Variants in ETV3 observed in about 807,000 individuals in gnomAD.
The protein encoded by ETV3 is ETS translocation variant 3.
Under a neutral mutation model 33.0 loss-of-function variants are expected in ETV3, and 8 were observed. The ratio of observed to expected loss-of-function variants is 0.24; its 90% CI spans 0.14 to 0.44. ETV3 has a LOEUF of 0.44. Ranked by LOEUF, ETV3 falls within the 20% of genes least tolerant of loss-of-function variation. ETV3 has a pLI of 1.00. For synonymous variants in ETV3, 222 were observed against 238.9 expected (o/e 0.93, Z 0.65); for missense variants, 473 against 652.3 (o/e 0.73, Z 2.99).
chr1:157,134,370 A>G (rs1675044694), intron 3 of ETV3, 143 bp from the exon 4 acceptor site: 1 of 1,054,910 alleles, frequency 9.5e-7, no homozygotes, highest in Non-Finnish European at 1.3e-6. Context: ...CTGGCCCTCC[A>G]GGTAGATCTA....
chr1:157,128,454 T>C (rs1674893093), intron 4 of ETV3: 2 of 329,252 alleles, frequency 6.1e-6, no homozygotes, highest in Admixed American at 2.8e-5. Context: ...AGACTGGGCC[T>C]AATCTCCATG....
At chr1:157,129,989 G>T (rs1446866365) in intron 4 of ETV3, among the ~76,000 whole-genome samples, 1 of 151,942 alleles carries the variant, frequency 6.6e-6, no homozygotes, top group Non-Finnish European at 1.5e-5. Context: ...GACTACAGGT[G>T]CGCACCACCA....
intron 1 of ETV3, among the ~76,000 whole-genome samples, chr1:157,138,018 G>A (rs1047790266): frequency 6.6e-6 from 1 of 152,180 alleles, no homozygotes; most frequent in African/African-American, 2.4e-5. Context: ...TCCCGCAGCA[G>A]CTCCGGGTCC....
In ETV3 at chr1:157,125,681, C is replaced by G; in HGVS notation, c.699G>C (p.Leu233=). Reference sequence around the variant, plus strand: ...CAGGGTACATCCCTGGCCTAGCAAACAGAGGAAGCATTATGTCAGGCTTGC... The same window carrying G: ...CAGGGTACATCCCTGGCCTAGCAAAGAGAGGAAGCATTATGTCAGGCTTGC... ...QKRKPDIMLP[L]FARPGMYPDP... is the part of the protein sequence containing the mutation. The change falls in exon 5 of 5, where the codon CTG becomes CTC. Residue 233 remains leucine (L), a synonymous_variant. Transcript: ENST00000368192. The surrounding 1 kb of genome is among the most constrained non-coding windows in gnomAD (Gnocchi z 4.0). 3.9e-6 allele frequency: 6 copies of G among 1,551,638 alleles called. No individual in the cohort carries two copies. The highest frequency in any genetic ancestry group is 4.4e-6 in the Non-Finnish European group (5 of 1,147,004).
Position 157,124,754 on chromosome 1 carries a change from T to TGCCCCC in ETV3, c.*86_*87insGGGGGC. The TGCCCCC allele has an allele frequency of 3.0e-6, 1 of 328,824 alleles. No individual in the cohort carries two copies. The highest frequency in any genetic ancestry group is 5.9e-6 in the Non-Finnish European group (1 of 168,370). The allele number at this position is 328,824 out of a possible 1,614,324, so 20.4% of individuals were successfully genotyped here. ...CCTAGAATGATCAAACCAGTTTAAC[T>TGCCCCC]CCCTCCCCCCCACCCTGAAATCTTG... is the stretch of plus-strand genomic sequence containing the variant. On this transcript the variant is annotated 3_prime_UTR_variant, in exon 5 of 5. Coordinates refer to ENST00000368192, the MANE Select transcript of ETV3 (RefSeq NM_001145312.3).
At chr1:157,126,995 T>A (rs529539161) in intron 4 of ETV3, among the ~76,000 whole-genome samples, 1 of 151,896 alleles carries the variant, frequency 6.6e-6, no homozygotes, top group South Asian at 2.1e-4. Flanking sequence ...CCTGGCTGAC[T>A]GTGGGGAGGG....
chr1:157,125,305 C>G lies in ETV3; in HGVS notation c.1075G>C (p.Val359Leu), dbSNP rs1280287731. Reference sequence around the variant, plus strand: ...GGTGCTGACTCCTCGCTGCTCTCAACCCTCTCCCGGTTCTTCCGCCCAACT... The same window carrying G: ...GGTGCTGACTCCTCGCTGCTCTCAAGCCTCTCCCGGTTCTTCCGCCCAACT... ...PPVGRKNRER[V>L]ESSEESAPVT... Residue 359 changes from valine to leucine, a missense_variant, in exon 5 of 5, where the codon GTT (valine) becomes CTT (leucine). This residue lies in a region of ETV3 where 410 missense variants were observed against 520.2 expected (regional missense o/e 0.79). Transcript: ENST00000368192. The surrounding 1 kb of genome is among the most constrained non-coding windows in gnomAD (Gnocchi z 4.0). 1 of 1,552,084 alleles carries G rather than the reference C, an allele frequency of 6.4e-7. No individual in the cohort carries two copies. Among genetic ancestry groups the G allele is most frequent in the South Asian group, 1.2e-5 (1 of 84,058 alleles).
intron 4 of ETV3, among the ~76,000 whole-genome samples, chr1:157,131,736 G>A (rs916941644): frequency 1.3e-5 from 2 of 152,118 alleles, no homozygotes; most frequent in Non-Finnish European, 2.9e-5. Context: ...CTGAAAAGTT[G>A]AATAACGTAA....
chr1:157,124,758 T>TCCCCCCCCCCC lies in ETV3; in HGVS notation c.*82_*83insGGGGGGGGGGG. On this transcript the variant is annotated 3_prime_UTR_variant, in exon 5 of 5. Transcript: ENST00000368192. ...GAATGATCAAACCAGTTTAACTCCC[T>TCCCCCCCCCCC]CCCCCCCACCCTGAAATCTTGCTAC... 3 of 172,404 alleles carry TCCCCCCCCCCC rather than the reference T, an allele frequency of 1.7e-5. No homozygotes were observed. The highest frequency in any genetic ancestry group is 4.2e-5 in the South Asian group (1 of 23,570). 10.7% of individuals were successfully genotyped at this position (172,404 alleles called of 1,614,324 possible).
In ETV3 at chr1:157,133,843, A is replaced by G. The variant is rs1005682711; in HGVS notation, c.400+269T>C. ...ACCTATGAAACATCATTCCCAAACA[A>G]GATAGCGTAATAGTATCTAGGAGAT... On this transcript the variant is annotated intron_variant, in intron 4 of 4. Transcript: ENST00000368192. The G allele has an allele frequency of 3.3e-6, 4 of 1,224,124 alleles. No individual in the cohort carries two copies. The African/African-American group carries it at 4.7e-5, about 15-fold the overall frequency. The allele number at this position is 1,224,124 out of a possible 1,614,324, so 75.8% of individuals were successfully genotyped here. A position where few individuals can be genotyped will look rare whatever the true frequency, so the allele number is the denominator to read the frequency against.
At chr1:157,135,375 T>C in intron 3 of ETV3, 96 bp downstream of exon 3, 1 of 1,420,462 alleles carries the variant, frequency 7.0e-7, no homozygotes, top group Non-Finnish European at 9.7e-7. Flanking sequence ...GATAGTGTAG[T>C]CTTTTATTAC....
In ETV3 at chr1:157,124,765, C is replaced by A. The variant is rs1001599677; in HGVS notation, c.*76G>T. 47 of 407,914 alleles carry A rather than the reference C, an allele frequency of 1.2e-4. 7 individuals carry two copies. The highest frequency in any genetic ancestry group is 4.0e-4 in the Middle Eastern group (1 of 2,506). 25.3% of individuals were successfully genotyped at this position (407,914 alleles called of 1,614,324 possible). On this transcript the variant is annotated 3_prime_UTR_variant, in exon 5 of 5. Coordinates refer to ENST00000368192, the MANE Select transcript of ETV3 (RefSeq NM_001145312.3). ...CAAACCAGTTTAACTCCCTCCCCCC[C>A]ACCCTGAAATCTTGCTACATAAATA...
chr1:157,133,222 A>G (rs1675013488), intron 4 of ETV3: 1 of 169,554 alleles, frequency 5.9e-6, no homozygotes, highest in African/African-American at 2.4e-5. Context: ...TTAATCTCTT[A>G]CTGTGCCTAA....
In ETV3 at chr1:157,135,577, C is replaced by T. The variant is rs1675087173; in HGVS notation, c.178G>A (p.Glu60Lys). ...TCCTTGATGACAAATTCCCCGTACT[C>T]TCCCTGCTGCCAGGCGATGACATGG... ...FRHVIAWQQG[E>K]YGEFVIKDPD... Residue 60 changes from glutamate to lysine, a missense_variant, in exon 3 of 5, where the codon GAG (glutamate) becomes AAG (lysine). By Grantham distance (56) the Glu-to-Lys change is moderately conservative. Transcript: ENST00000368192. 6.2e-7 allele frequency: 1 copy of T among 1,613,982 alleles called. No homozygotes were observed. The highest frequency in any genetic ancestry group is 1.3e-5 in the African/African-American group (1 of 74,904).
chr1:157,136,246 G>A (rs997215057), intron 2 of ETV3, 61 bp downstream of exon 2: 3 of 1,492,524 alleles, frequency 2.0e-6, no homozygotes, highest in Non-Finnish European at 2.8e-6. Flanking sequence ...CTCAAGTGGA[G>A]AGGACAGGAA....
At chr1:157,129,790 G>A (rs1044905525) in intron 4 of ETV3, among the ~76,000 whole-genome samples, 1 of 152,086 alleles carries the variant, frequency 6.6e-6, no homozygotes, top group East Asian at 1.9e-4. Context: ...AGTATAATGT[G>A]CAGGGAAAGG....
rs541735173 is a variant in ETV3 at position 157,135,476 on chromosome 1, G to A, written c.279C>T (p.Ala93=). The A allele has an allele frequency of 6.2e-7, 1 of 1,613,886 alleles. No homozygotes were observed. The highest frequency in any genetic ancestry group is 1.1e-5 in the South Asian group (1 of 91,076). Residue 93 remains alanine (A), a synonymous_variant, in exon 3 of 5, where the codon GCC becomes GCT. Transcript: ENST00000368192. ...PQMNYDKLSR[A]LRYYYNKRIL... is the part of the protein sequence containing the mutation. ...TTGGGAATCCTTTTCCTTACCTGAG[G>A]GCCCGGCTCAGCTTGTCATAATTCA... is the stretch of plus-strand genomic sequence containing the variant.
rs765269929 is a variant in ETV3 at position 157,124,822 on chromosome 1, T to G, written c.*19A>C. ...TGTATTTGATTATAGTATAAACAGC[T>G]CCTAATCCACTTCCAGTTCTAAGCA... On this transcript the variant is annotated 3_prime_UTR_variant, in exon 5 of 5. Transcript: ENST00000368192. 18 of 1,242,060 alleles carry G rather than the reference T, an allele frequency of 1.4e-5. No homozygotes were observed. Among genetic ancestry groups the G allele is most frequent in the Non-Finnish European group, 1.9e-5 (18 of 967,306 alleles). 76.9% of individuals were successfully genotyped at this position (1,242,060 alleles called of 1,614,324 possible). A position where few individuals can be genotyped will look rare whatever the true frequency, so the allele number is the denominator to read the frequency against.
chr1:157,133,003 A>G (rs1675004186), intron 4 of ETV3: 1 of 152,230 alleles, frequency 6.6e-6, no homozygotes, highest in Non-Finnish European at 1.5e-5. Context: ...CAAGGCCACA[A>G]TGACAGAGTA....
Sources: gnomAD v4.1 joint callset for allele counts (sites outside exome capture counted in the v4.1 genomes callset) on GRCh38, gnomAD v4.1.1 for gene constraint, gnomAD v4.1.1 regional missense constraint, Gnocchi (gnomAD v3.1) non-coding constraint, MANE v1.5 for transcripts, NCBI Gene and HGNC (gene_info 2026-07-23, HGNC 2026-07-21) for gene names.